Variants in WBP1L observed in about 807,000 individuals in gnomAD.
The protein encoded by WBP1L is WW domain binding protein 1 like, also known as WW domain binding protein 1-like.
WBP1L carries 17 observed loss-of-function variants against 33.7 expected under a neutral mutation model. The observed-to-expected ratio is 0.50, with a 90% CI of 0.34 to 0.76. WBP1L has a LOEUF of 0.76. Ranked by LOEUF, WBP1L falls within the 30% of genes least tolerant of loss-of-function variation. The pLI is 0.01. For synonymous variants in WBP1L, 173 were observed against 190.8 expected, an observed-to-expected ratio of 0.91 and a Z score of 0.77; for missense variants, 389 against 469.4, an observed-to-expected ratio of 0.83 and a Z score of 1.58.
At position 102,815,747 on chromosome 10, in the gene WBP1L, A is replaced by G. The variant is rs1274879994; in HGVS notation, c.*2416A>G. 6.6e-6 allele frequency: 1 copy of G among 152,214 alleles called. No individual in the cohort carries two copies. Among genetic ancestry groups the G allele is most frequent in the African/African-American group, 2.4e-5 (1 of 41,442 alleles). The allele number at this position is 152,214 out of a possible 1,614,324, so 9.4% of individuals were successfully genotyped here. On this transcript the variant is annotated 3_prime_UTR_variant, in exon 4 of 4. Coordinates refer to ENST00000448841, the MANE Select transcript of WBP1L (RefSeq NM_001083913.2). ...AAATGAATCCTTTTTCAGTTAACAG[A>G]TCAAATGGATGAGTTCTGAGCCTCT...
intron 1 of WBP1L, chr10:102,776,065 T>A (rs1170162283): frequency 2.0e-6 from 2 of 981,266 alleles, no homozygotes; most frequent in Non-Finnish European, 2.4e-6. Context: ...TCCTCAGTAT[T>A]CCAGTGCAGC....
rs553976319 is a variant in WBP1L at position 102,798,107 on chromosome 10, C to T, written c.193+12C>T. 7.4e-6 allele frequency: 12 copies of T among 1,610,984 alleles called. No homozygotes were observed. Among genetic ancestry groups the T allele is most frequent in the Non-Finnish European group, 1.0e-5 (12 of 1,177,370 alleles). ...CTATGAACTCTGGTGTAAGTCCTTG[C>T]TTGGGTGCCTCTCAGTATCCCAGGG... On this transcript the variant is annotated intron_variant, in intron 2 of 3. Coordinates refer to ENST00000448841, the MANE Select transcript of WBP1L (RefSeq NM_001083913.2).
chr10:102,810,146 G>C, intron 3 of WBP1L, 92 bp downstream of exon 3: 2 of 1,496,202 alleles, frequency 1.3e-6, no homozygotes, highest in Non-Finnish European at 1.8e-6. Context: ...GGCTCCTGTA[G>C]GCATAGGGGG....
chr10:102,775,264 G>A (rs1302078615), intron 1 of WBP1L, among the ~76,000 whole-genome samples: 3 of 152,144 alleles, frequency 2.0e-5, no homozygotes, highest in Non-Finnish European at 4.4e-5. Flanking sequence ...GATTCAGGCC[G>A]AGGGAGAGCT....
At position 102,775,823 on chromosome 10, in the gene WBP1L, A is replaced by G. The variant is rs117683530; in HGVS notation, c.91-22170A>G. ...GTGAAACTGACAGACACTGGACTTG[A>G]TTTTCTTTCCCAGGGAGGAGAAACA... On this transcript the variant is annotated intron_variant, in intron 1 of 3. Transcript: ENST00000448841. Among the ~76,000 whole-genome samples the G allele has an allele frequency of 5.1e-3, 772 of 152,134 alleles. 3 individuals are homozygous for G. Among genetic ancestry groups the G allele is most frequent in the Non-Finnish European group, 8.0e-3 (545 of 67,994 alleles).
intron 1 of WBP1L, among the ~76,000 whole-genome samples, chr10:102,761,138 T>C (rs1843034961): frequency 1.4e-5 from 2 of 146,084 alleles, no homozygotes; most frequent in South Asian, 2.2e-4. Flanking sequence ...TTTTTTTTTT[T>C]CTTTTCTTTT....
intron 1 of WBP1L, among the ~76,000 whole-genome samples, chr10:102,784,452 G>A (rs1843383140): frequency 7.8e-6 from 1 of 127,584 alleles, no homozygotes; most frequent in Non-Finnish European, 1.6e-5. Context: ...TTGAGACAGA[G>A]TCTTGCTCTG....
chr10:102,758,358 A>G (rs747149138), intron 1 of WBP1L, among the ~76,000 whole-genome samples: 1 of 152,204 alleles, frequency 6.6e-6, no homozygotes, highest in Non-Finnish European at 1.5e-5. Context: ...TATAGCCATT[A>G]GCATTCATTC....
chr10:102,756,691 T>TTA (rs1842981505), intron 1 of WBP1L, among the ~76,000 whole-genome samples: 1 of 152,084 alleles, frequency 6.6e-6, no homozygotes, highest in Admixed American at 6.6e-5. Flanking sequence ...GATTGTGTGG[T>TTA]TATAGGGTAT....
At chr10:102,775,852 C>G (rs1457268298) in intron 1 of WBP1L, among the ~76,000 whole-genome samples, 2 of 152,150 alleles carry the variant, frequency 1.3e-5, no homozygotes, top group Admixed American at 1.3e-4. Context: ...AGAAACAATA[C>G]TCTAGGAGCT....
intron 1 of WBP1L, among the ~76,000 whole-genome samples, chr10:102,760,975 C>T (rs376720180): frequency 1.8e-4 from 27 of 152,164 alleles, no homozygotes; most frequent in African/African-American, 5.1e-4. Flanking sequence ...CAACCTCTGC[C>T]TCCCGAGTTC....
In WBP1L at chr10:102,744,246, G is replaced by A. The variant is rs73344501; in HGVS notation, c.90+103G>A. ...TTGTTGCCAAGAGTTGAGGGGTCCC[G>A]AGAGGGGCGTCTATGCCTGGCGTGG... On this transcript the variant is annotated intron_variant, in intron 1 of 3. Transcript: ENST00000448841. 1,730 of 1,319,296 alleles carry A rather than the reference G, an allele frequency of 1.3e-3. 15 individuals carry two copies. The African/African-American group carries it at 0.023, about 18-fold the overall frequency. 81.7% of individuals were successfully genotyped at this position (1,319,296 alleles called of 1,614,324 possible).
At chr10:102,807,872 AAGCT>A (rs897668366) in intron 2 of WBP1L, among the ~76,000 whole-genome samples, 2 of 152,070 alleles carry the variant, frequency 1.3e-5, no homozygotes, top group African/African-American at 4.8e-5. Flanking sequence ...TAAAAAAAAA[AAGCT>A]AGCCAAAGTA....
chr10:102,776,172 G>T, intron 1 of WBP1L: 4 of 1,432,508 alleles, frequency 2.8e-6, no homozygotes, highest in Non-Finnish European at 1.8e-6. Context: ...ACGAGAAGGT[G>T]GGGGTGGGCC....
intron 1 of WBP1L, among the ~76,000 whole-genome samples, chr10:102,745,722 T>G (rs1842856979): frequency 6.6e-6 from 1 of 152,212 alleles, no homozygotes; most frequent in Non-Finnish European, 1.5e-5. Context: ...TTCCTCAGGA[T>G]ATGTTTGTGT....
At chr10:102,783,150 C>T (rs1425789914) in intron 1 of WBP1L, among the ~76,000 whole-genome samples, 1 of 152,100 alleles carries the variant, frequency 6.6e-6, no homozygotes, top group Non-Finnish European at 1.5e-5. Context: ...GGCGGACCGC[C>T]AGCACAAATA....
At chr10:102,811,586 C>T (rs967411381) in intron 3 of WBP1L, among the ~76,000 whole-genome samples, 2 of 152,246 alleles carry the variant, frequency 1.3e-5, no homozygotes, top group African/African-American at 4.8e-5. Flanking sequence ...TCTTGGCTCA[C>T]TGCAACCTCC....
chr10:102,751,498 G>C (rs1842923834), intron 1 of WBP1L, among the ~76,000 whole-genome samples: 1 of 151,886 alleles, frequency 6.6e-6, no homozygotes, highest in South Asian at 2.1e-4. Flanking sequence ...TGTAGAGATG[G>C]AGTTTCACCA....
intron 3 of WBP1L, among the ~76,000 whole-genome samples, chr10:102,811,247 G>T (rs1464677557): frequency 6.6e-6 from 1 of 152,006 alleles, no homozygotes; most frequent in African/African-American, 2.4e-5. Flanking sequence ...GGGTTCATTG[G>T]CCTGAATTCC....
Sources: gnomAD v4.1 joint callset for allele counts (sites outside exome capture counted in the v4.1 genomes callset) on GRCh38, gnomAD v4.1.1 for gene constraint, MANE v1.5 for transcripts, NCBI Gene and HGNC (gene_info 2026-07-23, HGNC 2026-07-21) for gene names.